Variants in JMJD1C observed in about 807,000 individuals in gnomAD.
JMJD1C encodes the protein jumonji domain containing 1C, also known as jumonji domain-containing protein 1C.
In JMJD1C, 31 loss-of-function variants were observed where a neutral mutation model predicts 245.3. The ratio of observed to expected loss-of-function variants is 0.13; its 90% CI spans 0.09 to 0.17. The LOEUF (loss-of-function observed/expected upper bound fraction) is 0.17. Among genes scored for constraint, JMJD1C ranks in the 10% least tolerant of loss-of-function variants. The pLI, the probability that JMJD1C is intolerant of heterozygous loss-of-function variation, is 1.00. For synonymous variants in JMJD1C, 1,057 were observed against 1,017.4 expected (o/e 1.04, Z -0.74); for missense variants, 2,691 against 3,000.2 (o/e 0.90, Z 2.41).
intron 1 of JMJD1C, among the ~76,000 whole-genome samples, chr10:63,453,916 T>C (rs1952232772): frequency 6.6e-6 from 1 of 152,082 alleles, no homozygotes; most frequent in Non-Finnish European, 1.5e-5. Flanking sequence ...AGAGACTGGG[T>C]TTCACCATGT....
chr10:63,471,606 A>G (rs1454831492), intron 1 of JMJD1C, among the ~76,000 whole-genome samples: 1 of 152,266 alleles, frequency 6.6e-6, no homozygotes, highest in Non-Finnish European at 1.5e-5. Context: ...GATTAATACT[A>G]ATATTACTAC....
chr10:63,295,572 A>G (rs1467426536), intron 2 of JMJD1C, among the ~76,000 whole-genome samples: 1 of 152,154 alleles, frequency 6.6e-6, no homozygotes, highest in Admixed American at 6.5e-5. Flanking sequence ...AAGAAGCATT[A>G]ACTAGATTTT....
intron 12 of JMJD1C, 33 bp downstream of exon 12, chr10:63,198,480 T>C (rs200543671): frequency 7.9e-7 from 1 of 1,262,868 alleles, no homozygotes; most frequent in Non-Finnish European, 1.1e-6. Context: ...AAAATGAAAT[T>C]TGTGCAGTTC....
intron 1 of JMJD1C, among the ~76,000 whole-genome samples, chr10:63,513,490 T>C (rs1394372757): frequency 2.6e-5 from 4 of 152,184 alleles, no homozygotes; most frequent in Non-Finnish European, 5.9e-5. Flanking sequence ...AGCTTTTGTA[T>C]AGCAGAAGAA....
intron 2 of JMJD1C, among the ~76,000 whole-genome samples, chr10:63,280,176 T>G (rs984915757): frequency 6.6e-6 from 1 of 151,922 alleles, no homozygotes; most frequent in African/African-American, 2.4e-5. Context: ...TACAGAATAA[T>G]AAGATCATTT....
chr10:63,450,598 G>A (rs1951998066), intron 1 of JMJD1C, among the ~76,000 whole-genome samples: 1 of 152,118 alleles, frequency 6.6e-6, no homozygotes, highest in African/African-American at 2.4e-5. Context: ...CTCAATTGAT[G>A]CAGATAAAGC....
chr10:63,366,461 T>C (rs1945850500), intron 2 of JMJD1C, among the ~76,000 whole-genome samples: 1 of 152,210 alleles, frequency 6.6e-6, no homozygotes, highest in South Asian at 2.1e-4. Flanking sequence ...TATAATGAGT[T>C]CTGTGAGTTC....
chr10:63,177,402 T>A (rs1042905107), intron 23 of JMJD1C: 8 of 289,116 alleles, frequency 2.8e-5, no homozygotes, highest in African/African-American at 1.6e-4. Flanking sequence ...TGTTTTTACA[T>A]CCCGCGACTC....
At chr10:63,313,348 T>G (rs1939495373) in intron 2 of JMJD1C, among the ~76,000 whole-genome samples, 1 of 152,228 alleles carries the variant, frequency 6.6e-6, no homozygotes, top group Non-Finnish European at 1.5e-5. Flanking sequence ...CCTTGATTGA[T>G]GAGCATTTGT....
chr10:63,244,767 AT>A (rs1012792212), intron 3 of JMJD1C, among the ~76,000 whole-genome samples: 2 of 137,624 alleles, frequency 1.5e-5, no homozygotes, highest in Non-Finnish European at 3.1e-5. Context: ...ACGCCACTGC[AT>A]TCCACATCAC....
At chr10:63,171,197 T>G (rs541323093) in intron 24 of JMJD1C, among the ~76,000 whole-genome samples, 8 of 152,022 alleles carry the variant, frequency 5.3e-5, no homozygotes, top group Admixed American at 5.2e-4. Context: ...AAAACAACTG[T>G]TGCTGTTTTT....
intron 1 of JMJD1C, among the ~76,000 whole-genome samples, chr10:63,498,798 AAC>A (rs763506920): frequency 2.0e-5 from 3 of 152,196 alleles, no homozygotes; most frequent in African/African-American, 7.2e-5. Context: ...AACTAACTAT[AAC>A]ACAGTGTTAC....
chr10:63,187,346 C>T (rs1844248257), intron 18 of JMJD1C, among the ~76,000 whole-genome samples: 2 of 152,098 alleles, frequency 1.3e-5, no homozygotes, highest in Non-Finnish European at 2.9e-5. Flanking sequence ...TAATCAGCAG[C>T]TTGTTAAAAG....
At chr10:63,219,375 C>T (rs1036747586) in intron 4 of JMJD1C, among the ~76,000 whole-genome samples, 1 of 152,128 alleles carries the variant, frequency 6.6e-6, no homozygotes, top group Non-Finnish European at 1.5e-5. Flanking sequence ...CATGATTTTA[C>T]TGACAGAAAT....
chr10:63,371,926 T>C (rs1261485000), intron 2 of JMJD1C, among the ~76,000 whole-genome samples: 1 of 152,238 alleles, frequency 6.6e-6, no homozygotes, highest in Non-Finnish European at 1.5e-5. Context: ...TTTATTCTAA[T>C]TGTGGAAATT....
intron 1 of JMJD1C, among the ~76,000 whole-genome samples, chr10:63,411,200 CA>C (rs1331202482): frequency 6.6e-6 from 1 of 151,424 alleles, no homozygotes; most frequent in Non-Finnish European, 1.5e-5. Flanking sequence ...ATCAGTGGAA[CA>C]GAGGGGCGGT....
chr10:63,239,734 C>G (rs148831469), intron 3 of JMJD1C, among the ~76,000 whole-genome samples: 1 of 152,122 alleles, frequency 6.6e-6, no homozygotes, highest in Non-Finnish European at 1.5e-5. Flanking sequence ...CGTGAGCCAC[C>G]GCTCCTGGCC....
chr10:63,343,871 CTACAAAAAT>C (rs1943587465), intron 2 of JMJD1C, among the ~76,000 whole-genome samples: 3 of 152,148 alleles, frequency 2.0e-5, no homozygotes, highest in South Asian at 2.1e-4. Context: ...AACCCTATCT[CTACAAAAAT>C]TACAAAAATT....
chr10:63,186,144 TAA>T, intron 19 of JMJD1C, 69 bp downstream of exon 19: 2 of 1,200,326 alleles, frequency 1.7e-6, no homozygotes, highest in South Asian at 1.3e-5. Flanking sequence ...AAAAATCTGT[TAA>T]GTTACATTTG....
Sources: allele counts gnomAD v4.1 joint callset (sites outside exome capture counted in the v4.1 genomes callset), GRCh38; gene constraint gnomAD v4.1.1; transcripts MANE v1.5; gene names NCBI Gene and HGNC (gene_info 2026-07-23, HGNC 2026-07-21).